The following DIS3L variants were observed in gnomAD, a reference collection of about 807,000 sequenced individuals.
DIS3L encodes DIS3-like exonuclease 1.
DIS3L carries 100 observed loss-of-function variants against 120.3 expected under a neutral mutation model. That is an observed-to-expected ratio of 0.83 (90% CI 0.71 to 0.98). The LOEUF (loss-of-function observed/expected upper bound fraction) is 0.98. Ranked by LOEUF, DIS3L falls within the 50% of genes least tolerant of loss-of-function variation. The pLI is 0.00. For missense variants in DIS3L, 1,196 were observed against 1,314.2 expected, an observed-to-expected ratio of 0.91 and a Z score of 1.39; for synonymous variants, 426 against 470.6, an observed-to-expected ratio of 0.91 and a Z score of 1.23.
At chr15:66,332,350 G>T (rs187914781) in intron 15 of DIS3L, among the ~76,000 whole-genome samples, 5 of 152,094 alleles carry the variant, frequency 3.3e-5, no homozygotes, top group Non-Finnish European at 7.4e-5. Flanking sequence ...CCAGCTACCT[G>T]GGAGGCTGAG....
At position 66,331,953 on chromosome 15, in the gene DIS3L, G is replaced by A. The variant is rs200057073; in HGVS notation, c.2614G>A (p.Glu872Lys). The A allele has an allele frequency of 1.2e-5, 20 of 1,613,402 alleles. No homozygotes were observed. Among genetic ancestry groups the A allele is most frequent in the Non-Finnish European group, 1.7e-6 (2 of 1,179,758 alleles). ...YFKDKDPATE[E>K]RCISDGVIYS... ...CAAAGACAAAGACCCTGCCACCGAG[G>A]AGCGTTGCATATCTGACGGAGTTAT... The change falls in exon 15 of 17, where the codon GAG becomes AAG. Residue 872 changes from glutamate to lysine, a missense_variant. Physicochemically the swap from Glu to Lys is moderately conservative, Grantham distance 56. Coordinates refer to ENST00000319212, the MANE Select transcript of DIS3L (RefSeq NM_001143688.3).
rs543492781 is a variant in DIS3L, at chr15:66,316,382, A to G, written c.994+1167A>G. ...CATGGCCTGAATTCAGCCACCTGCC[A>G]TACTTCCCCCACAGCTCTCCTGCTT... On this transcript the variant is annotated intron_variant, in intron 7 of 16. Transcript: ENST00000319212. 3.7e-4 allele frequency among the ~76,000 whole-genome samples: 56 copies of G among 151,888 alleles called. 1 individual carries two copies. The South Asian group carries it at 5.0e-3, about 13-fold the overall frequency.
intron 2 of DIS3L, among the ~76,000 whole-genome samples, chr15:66,306,055 T>C (rs770036293): frequency 6.6e-6 from 1 of 152,122 alleles, no homozygotes; most frequent in African/African-American, 2.4e-5. Context: ...AGTGGCCCAG[T>C]GCAGCCTTGA....
intron 4 of DIS3L, among the ~76,000 whole-genome samples, chr15:66,309,269 T>G (rs963598104): frequency 6.0e-4 from 90 of 150,466 alleles, no homozygotes; most frequent in African/African-American, 2.1e-3. Flanking sequence ...GAAGTTCTAC[T>G]TCTTCATTAT....
intron 2 of DIS3L, among the ~76,000 whole-genome samples, chr15:66,301,912 A>T (rs929452510): frequency 6.6e-6 from 1 of 152,188 alleles, no homozygotes; most frequent in Non-Finnish European, 1.5e-5. Context: ...GCTTGCACTA[A>T]AAGTCTAAGA....
intron 4 of DIS3L, among the ~76,000 whole-genome samples, chr15:66,309,079 C>T (rs1365468675): frequency 1.2e-3 from 1 of 836 alleles, no homozygotes. Context: ...CTTGTCTCTA[C>T]AGAAAAAAAA....
rs866712900 is a variant in DIS3L at position 66,306,859 on chromosome 15, C to T, written c.329C>T (p.Ala110Val). The T allele has an allele frequency of 6.2e-6, 10 of 1,613,976 alleles. No homozygotes were observed. Among genetic ancestry groups the T allele is most frequent in the South Asian group, 3.3e-5 (3 of 91,084 alleles). ...AAACTGCGAAACCTGCTGAAGGATG[C>T]GCGTCATGATTGCATTCTCTTTGCT... ...YNKLRNLLKDARHDCILFANE... is the reference protein window; with the variant it reads ...YNKLRNLLKDVRHDCILFANE... The change falls in exon 3 of 17, where the codon GCG becomes GTG. Residue 110 changes from alanine (A) to valine (V), a missense_variant. By Grantham distance (64) the Ala-to-Val change is moderately conservative. Transcript: ENST00000319212.
chr15:66,308,620 A>C, intron 3 of DIS3L, 89 bp from the exon 4 acceptor site: 1 of 1,513,604 alleles, frequency 6.6e-7, no homozygotes. Flanking sequence ...TATATAGTCC[A>C]AAGGATAGCA....
intron 11 of DIS3L, among the ~76,000 whole-genome samples, chr15:66,324,264 AT>A: frequency 6.6e-6 from 1 of 152,322 alleles, no homozygotes; most frequent in Middle Eastern, 3.4e-3. Flanking sequence ...GGAAATTTGG[AT>A]AGTTTCCAAT....
Position 66,308,601 on chromosome 15 carries a change from A to G in DIS3L, c.423-108A>G, listed in dbSNP as rs2092723870. On this transcript the variant is annotated intron_variant, in intron 3 of 16. Transcript: ENST00000319212. ...CCAGAAGTATTTGTTGAACGAATGA[A>G]TGGTTATCTATATAGTCCAAAGGAT... 5.9e-6 allele frequency: 8 copies of G among 1,355,136 alleles called. No individual in the cohort carries two copies. In the South Asian group the frequency reaches 1.5e-4, roughly 25 times the overall value. The allele number at this position is 1,355,136 out of a possible 1,614,324, so 83.9% of individuals were successfully genotyped here.
chr15:66,319,488 A>G (rs1285130419), intron 8 of DIS3L, among the ~76,000 whole-genome samples: 1 of 152,226 alleles, frequency 6.6e-6, no homozygotes, highest in Non-Finnish European at 1.5e-5. Context: ...ATGTAGTGGT[A>G]CTTCACAGAA....
chr15:66,329,921 A>C, intron 14 of DIS3L: 2 of 985,132 alleles, frequency 2.0e-6, no homozygotes, highest in Non-Finnish European at 2.4e-6. Context: ...TCAAAAAAAA[A>C]AAAAGATATG....
rs770259762 is a variant in DIS3L at position 66,332,019 on chromosome 15, A to G, written c.2680A>G (p.Arg894Gly). The change falls in exon 15 of 17, where the codon AGG becomes GGG. Residue 894 changes from arginine to glycine, a missense_variant and splice_region_variant. Physicochemically the swap from Arg to Gly is moderately radical, Grantham distance 125 (BLOSUM62 -2). Coordinates refer to ENST00000319212, the MANE Select transcript of DIS3L (RefSeq NM_001143688.3). Reference protein sequence around the residue: ...RTNGVLLFIPRFGIKGAAYLK... With the variant: ...RTNGVLLFIPGFGIKGAAYLK... ...AAATGGTGTGCTTCTATTTATACCA[A>G]GGTATGTTACATCTAATGCAATGGT... 7 of 1,607,530 alleles carry G rather than the reference A, an allele frequency of 4.4e-6. No individual in the cohort carries two copies. The South Asian group carries it at 7.7e-5, about 18-fold the overall frequency.
chr15:66,305,260 A>G (rs1239762927), intron 2 of DIS3L, among the ~76,000 whole-genome samples: 2 of 151,738 alleles, frequency 1.3e-5, no homozygotes, highest in Non-Finnish European at 2.9e-5. Context: ...TCGCCTCCCA[A>G]AGTGCTGGGA....
rs946130922 is a variant in DIS3L, at chr15:66,318,625, G to A, written c.1164+7G>A. On this transcript the variant is annotated splice_region_variant and intron_variant, in intron 8 of 16. Coordinates refer to ENST00000319212, the MANE Select transcript of DIS3L (RefSeq NM_001143688.3). ...GCAAGCAGAAACCCTCCAGGTAGTT[G>A]GCATTCTACCTCTACTATGGGATCT... The A allele has an allele frequency of 1.2e-6, 2 of 1,613,212 alleles. No homozygotes were observed. Among genetic ancestry groups the A allele is most frequent in the Non-Finnish European group, 8.5e-7 (1 of 1,179,562 alleles).
In DIS3L at chr15:66,323,424, G is replaced by A. The variant is rs6494565; in HGVS notation, c.1575-69G>A. The stretch of plus-strand genomic sequence containing the variant: ...AGATTTTGGCCATTTACCTCCCTGC[G>A]GCCCACACAGTCAGCAGTTCTGCTT... On this transcript the variant is annotated intron_variant, in intron 10 of 16. Coordinates refer to ENST00000319212, the MANE Select transcript of DIS3L (RefSeq NM_001143688.3). The A allele has an allele frequency of 5.9e-3, 8,982 of 1,524,334 alleles. 374 individuals are homozygous for A. The African/African-American group carries it at 0.099, about 17-fold the overall frequency. 94.4% of individuals were successfully genotyped at this position (1,524,334 alleles called of 1,614,324 possible). A position where few individuals can be genotyped will look rare whatever the true frequency, so the allele number is the denominator to read the frequency against.
chr15:66,322,754 G>T lies in DIS3L; in HGVS notation c.1394G>T (p.Arg465Leu), dbSNP rs201473278. The T allele has an allele frequency of 6.0e-5, 97 of 1,614,004 alleles. No individual in the cohort carries two copies. In the South Asian group the frequency reaches 9.8e-4, roughly 16 times the overall value. ...GTGAGTCCTGAAGAGGAACAAAAAC[G>T]TAAAGACTTGAGGAAAAGCCATCTC... ...WKVSPEEEQK[R>L]KDLRKSHLVF... Residue 465 changes from arginine (R) to leucine (L), a missense_variant, in exon 10 of 17, where the codon CGT becomes CTT. Coordinates refer to ENST00000319212, the MANE Select transcript of DIS3L (RefSeq NM_001143688.3).
chr15:66,311,413 A>G (rs2092759889), intron 4 of DIS3L, among the ~76,000 whole-genome samples: 1 of 152,184 alleles, frequency 6.6e-6, no homozygotes, highest in African/African-American at 2.4e-5. Flanking sequence ...ATACACATAA[A>G]GACAGGCTGC....
chr15:66,310,211 T>C (rs1309585888), intron 4 of DIS3L, among the ~76,000 whole-genome samples: 1 of 152,178 alleles, frequency 6.6e-6, no homozygotes, highest in Non-Finnish European at 1.5e-5. Context: ...GATTTGCCAA[T>C]AGAATTTTCT....
Sources: gnomAD v4.1 joint callset for allele counts (sites outside exome capture counted in the v4.1 genomes callset) on GRCh38, gnomAD v4.1.1 for gene constraint, MANE v1.5 for transcripts, NCBI Gene and HGNC (gene_info 2026-07-23, HGNC 2026-07-21) for gene names.